PCDHGA3: variants seen among roughly 807,000 people sequenced by gnomAD.
PCDHGA3 encodes the protein protocadherin gamma subfamily A, 3, also known as protocadherin gamma-A3.
PCDHGA3 carries 40 observed loss-of-function variants against 58.5 expected under a neutral mutation model. The ratio of observed to expected loss-of-function variants is 0.68; its 90% CI spans 0.53 to 0.89. PCDHGA3 has a LOEUF of 0.89. PCDHGA3 is among the 40% of genes least tolerant of loss of function. The probability of loss-of-function intolerance (pLI) is 0.00; values close to 1 mark genes in which losing one functional copy is unlikely to be tolerated. For missense variants in PCDHGA3, 1,223 were observed against 1,195.9 expected, an observed-to-expected ratio of 1.02 and a Z score of -0.33; for synonymous variants, 530 against 525.7, an observed-to-expected ratio of 1.01 and a Z score of -0.11.
At position 141,476,606 on chromosome 5, in the gene PCDHGA3, G is replaced by T. The variant is rs2099394832; in HGVS notation, c.2425-18201G>T. The stretch of plus-strand genomic sequence containing the variant: ...GCTCGAGAGCGCGCACGATCCCGAT[G>T]TGGGAAGCAACTCTTTACAAACCTA... On this transcript the variant is annotated intron_variant, in intron 1 of 3. Transcript: ENST00000253812. The surrounding 1 kb of genome is among the most constrained non-coding windows in gnomAD (Gnocchi z 7.6). The T allele has an allele frequency of 1.9e-6, 3 of 1,614,126 alleles. No individual in the cohort carries two copies. Among genetic ancestry groups the T allele is most frequent in the Non-Finnish European group, 1.7e-6 (2 of 1,180,054 alleles).
chr5:141,476,656 T>C lies in PCDHGA3; in HGVS notation c.2425-18151T>C. 1 of 1,614,210 alleles carries C rather than the reference T, an allele frequency of 6.2e-7. No individual in the cohort carries two copies. Among genetic ancestry groups the C allele is most frequent in the Non-Finnish European group, 8.5e-7 (1 of 1,180,044 alleles). On this transcript the variant is annotated intron_variant, in intron 1 of 3. Coordinates refer to ENST00000253812, the MANE Select transcript of PCDHGA3 (RefSeq NM_018916.4). This position sits in a 1 kb window ranked among gnomAD's most constrained non-coding sequence, Gnocchi z 7.6. ...ATGAGCTGAGCCGAAATGAATACTT[T>C]GCGCTTCGCGTGCAGACGCGGGAGG...
At position 141,431,574 on chromosome 5, in the gene PCDHGA3, G is replaced by T. The variant is rs1476143491; in HGVS notation, c.2425-63233G>T. The T allele has an allele frequency of 6.2e-7, 1 of 1,614,196 alleles. No homozygotes were observed. Among genetic ancestry groups the T allele is most frequent in the Admixed American group, 1.7e-5 (1 of 60,034 alleles). On this transcript the variant is annotated intron_variant, in intron 1 of 3. Transcript: ENST00000253812. This position sits in a 1 kb window ranked among gnomAD's most constrained non-coding sequence, Gnocchi z 4.8. The stretch of plus-strand genomic sequence containing the variant: ...GTCAACGCTACCGACCCTGACGAAG[G>T]AGTCAATGCGGAAGTGAGGTATTCC...
chr5:141,343,829 A>G lies in PCDHGA3; in HGVS notation c.-205A>G, dbSNP rs1757330629. 6.0e-6 allele frequency: 3 copies of G among 496,532 alleles called. No homozygotes were observed. The South Asian group carries it at 1.2e-4, about 21-fold the overall frequency. 30.8% of individuals were successfully genotyped at this position (496,532 alleles called of 1,614,324 possible). The stretch of plus-strand genomic sequence containing the variant: ...GAGAACGCAGCTGGAGAACTAGTCC[A>G]CCATTTCCTTGCTCCTAAAATGCAA... On this transcript the variant is annotated 5_prime_UTR_variant, in exon 1 of 4. Transcript: ENST00000253812.
chr5:141,345,729 G>A lies in PCDHGA3; in HGVS notation c.1696G>A (p.Ala566Thr). 1 of 1,614,194 alleles carries A rather than the reference G, an allele frequency of 6.2e-7. No individual in the cohort carries two copies. The highest frequency in any genetic ancestry group is 1.3e-5 in the African/African-American group (1 of 75,048). Residue 566 changes from alanine to threonine, a missense_variant, in exon 1 of 4, where the codon GCC becomes ACC. This residue lies in a region of PCDHGA3 where 791 missense variants were observed against 708.5 expected (regional missense o/e 1.12). Transcript: ENST00000253812. ...CAACGCGCCCGAGATCCTGTACCCC[G>A]CCCTCCCCACAGACGGTTCCACTGG... is the stretch of plus-strand genomic sequence containing the variant. ...NDNAPEILYP[A>T]LPTDGSTGVE...
At chr5:141,459,891 CT>C (rs1405964049) in intron 1 of PCDHGA3, among the ~76,000 whole-genome samples, 1 of 152,158 alleles carries the variant, frequency 6.6e-6, no homozygotes, top group African/African-American at 2.4e-5. Flanking sequence ...TGAACGCCTT[CT>C]TAAAATTGAG....
chr5:141,469,880 C>T (rs774827232), intron 1 of PCDHGA3, among the ~76,000 whole-genome samples: 7 of 152,210 alleles, frequency 4.6e-5, no homozygotes, highest in East Asian at 1.9e-4. Flanking sequence ...CCTGTAATCT[C>T]GGCACTTTGG....
intron 1 of PCDHGA3, chr5:141,389,844 G>C: frequency 6.2e-7 from 1 of 1,614,014 alleles, no homozygotes; most frequent in Non-Finnish European, 8.5e-7. Flanking sequence ...ACCACTCTCG[G>C]CCACTGCCAC....
At chr5:141,370,520 CAG>C (rs1250098556) in intron 1 of PCDHGA3, 3 of 1,613,752 alleles carry the variant, frequency 1.9e-6, no homozygotes, top group African/African-American at 2.7e-5. Context: ...AGGAGCTGGA[CAG>C]GGGCTCGCTG....
intron 1 of PCDHGA3, chr5:141,427,194 T>G (rs759512205): frequency 6.6e-6 from 3 of 456,512 alleles, no homozygotes; most frequent in Non-Finnish European, 1.3e-5. Context: ...ATCCAAAGAC[T>G]TAATAGACTT....
At chr5:141,415,740 GTT>G (rs57426385) in intron 1 of PCDHGA3, 13,277 of 614,848 alleles carry the variant, frequency 0.022, 3 homozygotes, top group South Asian at 0.023. Context: ...GTTTATTAAG[GTT>G]TTTTTTTTTT....
At chr5:141,470,428 T>A (rs974038419) in intron 1 of PCDHGA3, among the ~76,000 whole-genome samples, 1 of 152,254 alleles carries the variant, frequency 6.6e-6, no homozygotes, top group Non-Finnish European at 1.5e-5. Flanking sequence ...TTTTTCCTTG[T>A]GTGCAATAAT....
In PCDHGA3 at chr5:141,345,624, C is replaced by T. The variant is rs982892208; in HGVS notation, c.1591C>T (p.Leu531=). 1 of 1,614,210 alleles carries T rather than the reference C, an allele frequency of 6.2e-7. No individual in the cohort carries two copies. The highest frequency in any genetic ancestry group is 2.2e-5 in the East Asian group (1 of 44,872). Residue 531 remains leucine (L), a synonymous_variant, in exon 1 of 4, where the codon CTG becomes TTG. Coordinates refer to ENST00000253812, the MANE Select transcript of PCDHGA3 (RefSeq NM_018916.4). ...CGAGCAATTTAGAGACTTAAAGCTACTGGTGACAGCCAGCGACAGCGGGAA... is the reference window on the plus strand; with the variant it reads ...CGAGCAATTTAGAGACTTAAAGCTATTGGTGACAGCCAGCGACAGCGGGAA... ...DYEQFRDLKL[L]VTASDSGNPP... is the part of the protein sequence containing the mutation.
chr5:141,400,690 A>G (rs928893484), intron 1 of PCDHGA3: 6 of 790,238 alleles, frequency 7.6e-6, no homozygotes, highest in Non-Finnish European at 8.1e-6. Flanking sequence ...GTGAGTTTTT[A>G]TGTCGCATAA....
intron 1 of PCDHGA3, chr5:141,421,983 T>G: frequency 6.2e-7 from 1 of 1,609,228 alleles, no homozygotes; most frequent in Non-Finnish European, 8.5e-7. Context: ...GCGTGAGTGT[T>G]CCAGAAAACA....
chr5:141,497,187 G>T (rs1475463841), intron 2 of PCDHGA3, among the ~76,000 whole-genome samples: 2 of 139,586 alleles, frequency 1.4e-5, no homozygotes, highest in Non-Finnish European at 3.0e-5. Flanking sequence ...GTTCTGAGAG[G>T]CAGAGAACAA....
Position 141,345,145 on chromosome 5 carries a change from T to A in PCDHGA3, c.1112T>A (p.Val371Glu), listed in dbSNP as rs772716548. 6.2e-7 allele frequency: 1 copy of A among 1,614,002 alleles called. No homozygotes were observed. Among genetic ancestry groups the A allele is most frequent in the Non-Finnish European group, 8.5e-7 (1 of 1,179,882 alleles). The change falls in exon 1 of 4, where the codon GTG becomes GAG. Residue 371 changes from valine (V) to glutamate (E), a missense_variant. Physicochemically the swap from Val to Glu is moderately radical, Grantham distance 121. This residue lies in a region of PCDHGA3 where 791 missense variants were observed against 708.5 expected (regional missense o/e 1.12). Transcript: ENST00000253812. ...GGAAGAGAAATTGCTCTTATCGACG[T>A]GCATGACCGAGATTCTGGGCAGAAT... ...TVGREIALIDVHDRDSGQNGQ... is the reference protein window; with the variant it reads ...TVGREIALIDEHDRDSGQNGQ...
In PCDHGA3 at chr5:141,417,713, C is replaced by T. The variant is rs905298887; in HGVS notation, c.2424+71256C>T. 1.3e-4 allele frequency: 160 copies of T among 1,271,624 alleles called. No homozygotes were observed. In the Admixed American group the frequency reaches 4.6e-3, roughly 37 times the overall value. The allele number at this position is 1,271,624 out of a possible 1,614,324, so 78.8% of individuals were successfully genotyped here. On this transcript the variant is annotated intron_variant, in intron 1 of 3. Transcript: ENST00000253812. ...AAACCAGCTCCCACACAGAGGCTCC[C>T]GGCTGCGCAGACCTTGCCCAGCACA... is the stretch of plus-strand genomic sequence containing the variant.
At chr5:141,498,137 G>T (rs1319960274) in intron 2 of PCDHGA3, among the ~76,000 whole-genome samples, 1 of 152,204 alleles carries the variant, frequency 6.6e-6, no homozygotes, top group Non-Finnish European at 1.5e-5. Context: ...GGAGCAGGAG[G>T]ACATCCTGGA....
At chr5:141,371,773 A>G (rs148367405) in intron 1 of PCDHGA3, 2 of 1,614,020 alleles carry the variant, frequency 1.2e-6, no homozygotes, top group African/African-American at 1.3e-5. Flanking sequence ...TACACCGTGC[A>G]TGTAGCTGAG....
Sources: gnomAD v4.1 joint callset for allele counts (sites outside exome capture counted in the v4.1 genomes callset) on GRCh38, gnomAD v4.1.1 for gene constraint, gnomAD v4.1.1 regional missense constraint, Gnocchi (gnomAD v3.1) non-coding constraint, MANE v1.5 for transcripts, NCBI Gene and HGNC (gene_info 2026-07-23, HGNC 2026-07-21) for gene names.